CEP85L: variants seen among roughly 807,000 people sequenced by gnomAD.
The protein encoded by CEP85L is centrosomal protein 85L.
A neutral mutation model predicts 100.3 loss-of-function variants in CEP85L; 60 were observed. The observed-to-expected ratio is 0.60, with a 90% CI of 0.49 to 0.74. CEP85L has a LOEUF of 0.74. Among genes scored for constraint, CEP85L ranks in the 30% least tolerant of loss-of-function variants. The probability of loss-of-function intolerance (pLI) is 0.00; values close to 1 mark genes in which losing one functional copy is unlikely to be tolerated. For synonymous variants in CEP85L, 319 were observed against 322.7 expected (o/e 0.99, Z 0.12); for missense variants, 973 against 936.2 (o/e 1.04, Z -0.51).
intron 1 of CEP85L, among the ~76,000 whole-genome samples, chr6:118,683,914 C>T (rs1776746902): frequency 6.6e-6 from 1 of 152,158 alleles, no homozygotes; most frequent in Admixed American, 6.5e-5. Context: ...CACAGAGTTG[C>T]TCATTTTGCC....
chr6:118,606,241 T>C (rs1313195934), intron 2 of CEP85L, among the ~76,000 whole-genome samples: 1 of 152,216 alleles, frequency 6.6e-6, no homozygotes, highest in Non-Finnish European at 1.5e-5. Flanking sequence ...TACCTGACTT[T>C]AGCCTTCCCA....
chr6:118,599,972 T>C (rs1475122051), intron 2 of CEP85L, among the ~76,000 whole-genome samples: 1 of 152,032 alleles, frequency 6.6e-6, no homozygotes, highest in Non-Finnish European at 1.5e-5. Flanking sequence ...GTGTCCTGGA[T>C]AGGAACCAGG....
chr6:118,667,386 T>C (rs1296170964), intron 1 of CEP85L, among the ~76,000 whole-genome samples: 1 of 152,178 alleles, frequency 6.6e-6, no homozygotes, highest in Non-Finnish European at 1.5e-5. Context: ...AGAAGTCCCA[T>C]GTAGGTGACA....
chr6:118,653,090 A>G (rs1410897742), upstream of CEP85L, among the ~76,000 whole-genome samples: 3 of 152,228 alleles, frequency 2.0e-5, no homozygotes, highest in Admixed American at 6.5e-5. Flanking sequence ...CGAGTTTAAA[A>G]TACACTTATT....
At chr6:118,490,560 A>G (rs1435661627) in intron 6 of CEP85L, among the ~76,000 whole-genome samples, 1 of 152,194 alleles carries the variant, frequency 6.6e-6, no homozygotes, top group East Asian at 1.9e-4. Context: ...TATCGACTGT[A>G]CAAACCCTAT....
At chr6:118,533,820 C>A (rs185811824) in intron 3 of CEP85L, among the ~76,000 whole-genome samples, 1 of 152,158 alleles carries the variant, frequency 6.6e-6, no homozygotes, top group Non-Finnish European at 1.5e-5. Flanking sequence ...GCAAGCTGGG[C>A]GCAGTGGCTC....
intron 3 of CEP85L, among the ~76,000 whole-genome samples, chr6:118,562,876 G>A (rs908863103): frequency 5.9e-5 from 9 of 152,100 alleles, no homozygotes; most frequent in Non-Finnish European, 1.0e-4. Context: ...GAGATCCATC[G>A]TGGGCTTACA....
At chr6:118,603,821 T>C (rs988388817) in intron 2 of CEP85L, among the ~76,000 whole-genome samples, 16 of 152,240 alleles carry the variant, frequency 1.1e-4, no homozygotes, top group African/African-American at 1.9e-4. Context: ...TAGAGTTCTA[T>C]AGTTGATTAT....
At chr6:118,535,955 A>C (rs1381231810) in intron 3 of CEP85L, among the ~76,000 whole-genome samples, 1 of 152,182 alleles carries the variant, frequency 6.6e-6, no homozygotes, top group Non-Finnish European at 1.5e-5. Context: ...AATCTTTAAA[A>C]ATCTTAAAAG....
chr6:118,600,239 G>A (rs1394462310), intron 2 of CEP85L, among the ~76,000 whole-genome samples: 3 of 145,156 alleles, frequency 2.1e-5, no homozygotes, highest in Non-Finnish European at 4.5e-5. Context: ...AAGAAAATTT[G>A]TTACTATACA....
At chr6:118,533,431 G>A (rs1777401044) in intron 3 of CEP85L, among the ~76,000 whole-genome samples, 1 of 151,884 alleles carries the variant, frequency 6.6e-6, no homozygotes, top group Admixed American at 6.6e-5. Context: ...TAATCTGAAT[G>A]TCCTATAAAC....
At chr6:118,509,620 T>C (rs1228776406) in intron 5 of CEP85L, among the ~76,000 whole-genome samples, 3 of 152,088 alleles carry the variant, frequency 2.0e-5, no homozygotes, top group African/African-American at 7.2e-5. Context: ...TTTATAAATA[T>C]CACATTTGAA....
chr6:118,601,012 A>T (rs978517065), intron 2 of CEP85L, among the ~76,000 whole-genome samples: 2 of 152,186 alleles, frequency 1.3e-5, no homozygotes, highest in Non-Finnish European at 2.9e-5. Flanking sequence ...ATTTTTCACT[A>T]AACGATGTTG....
intron 1 of CEP85L, among the ~76,000 whole-genome samples, chr6:118,636,182 C>A (rs963678592): frequency 3.9e-5 from 6 of 152,138 alleles, no homozygotes; most frequent in Admixed American, 2.0e-4. Context: ...TTTGCAGACT[C>A]CTGAGATGTG....
chr6:118,567,273 A>G (rs1356118650), intron 2 of CEP85L, among the ~76,000 whole-genome samples: 2 of 141,918 alleles, frequency 1.4e-5, no homozygotes, highest in African/African-American at 2.6e-5. Flanking sequence ...ATATATATAT[A>G]TATATATATA....
chr6:118,530,416 C>T (rs1184701330), intron 3 of CEP85L, among the ~76,000 whole-genome samples: 3 of 149,972 alleles, frequency 2.0e-5, no homozygotes, highest in Admixed American at 6.6e-5. Context: ...CAAGATCATA[C>T]TGAATGGGCA....
At chr6:118,670,773 A>G (rs769667743) in intron 1 of CEP85L, among the ~76,000 whole-genome samples, 1 of 152,112 alleles carries the variant, frequency 6.6e-6, no homozygotes, top group African/African-American at 2.4e-5. Flanking sequence ...CTTTTTTCAT[A>G]TATTCTATCC....
Position 118,511,349 on chromosome 6 carries a change from G to A in CEP85L, c.1206C>T (p.Ala402=). ...CACAATTTACATAATGTCCTAACATGGCATGTTGAGCCCGTAATTCATTAT... is the reference window on the plus strand; with the variant it reads ...CACAATTTACATAATGTCCTAACATAGCATGTTGAGCCCGTAATTCATTAT... ...IRDNELRAQH[A]MLGHYVNCED... The change falls in exon 5 of 13, where the codon GCC becomes GCT. Residue 402 remains alanine, a synonymous_variant. Coordinates refer to ENST00000368491, the MANE Select transcript of CEP85L (RefSeq NM_001042475.3). 1.9e-6 allele frequency: 3 copies of A among 1,613,118 alleles called. No individual in the cohort carries two copies.
At chr6:118,534,381 G>A (rs532344139) in intron 3 of CEP85L, among the ~76,000 whole-genome samples, 28 of 151,662 alleles carry the variant, frequency 1.8e-4, no homozygotes, top group Non-Finnish European at 3.2e-4. Context: ...GGCCAGGTGC[G>A]GTGGCTCACA....
Sources: gnomAD v4.1 joint callset for allele counts (sites outside exome capture counted in the v4.1 genomes callset) on GRCh38, gnomAD v4.1.1 for gene constraint, MANE v1.5 for transcripts, NCBI Gene and HGNC (gene_info 2026-07-23, HGNC 2026-07-21) for gene names.